The following DTD1 variants were observed in gnomAD, a reference collection of about 807,000 sequenced individuals.
DTD1 encodes the protein D-aminoacyl-tRNA deacylase 1.
In DTD1, 13 loss-of-function variants were observed where a neutral mutation model predicts 25.6. That is an observed-to-expected ratio of 0.51 (90% CI 0.33 to 0.81). The LOEUF is 0.81. Among genes scored for constraint, DTD1 ranks in the 30% least tolerant of loss-of-function variants. The probability of loss-of-function intolerance (pLI) is 0.02; values close to 1 mark genes in which losing one functional copy is unlikely to be tolerated. For missense variants in DTD1, 193 were observed against 266.4 expected (o/e 0.72, Z 1.92); for synonymous variants, 110 against 103.6 (o/e 1.06, Z -0.37).
intron 4 of DTD1, among the ~76,000 whole-genome samples, chr20:18,741,735 T>A (rs1440079906): frequency 1.2e-4 from 18 of 151,850 alleles, no homozygotes; most frequent in East Asian, 1.2e-3. Context: ...TTAAAAAAAA[T>A]TTTTTTTGAG....
intron 3 of DTD1, chr20:18,611,220 G>A (rs2060685516): frequency 6.6e-6 from 1 of 152,290 alleles, no homozygotes; most frequent in African/African-American, 2.4e-5. Flanking sequence ...ACTTCCAGAA[G>A]TCCTACAATT....
rs75548729 is a variant in DTD1, at chr20:18,634,254, C to T, written c.477+6021C>T. Among the ~76,000 whole-genome samples the T allele has an allele frequency of 5.0e-3, 764 of 152,266 alleles. 7 individuals are homozygous for T. Among genetic ancestry groups the T allele is most frequent in the African/African-American group, 0.018 (734 of 41,550 alleles). On this transcript the variant is annotated intron_variant, in intron 4 of 5. Coordinates refer to ENST00000377452, the MANE Select transcript of DTD1 (RefSeq NM_080820.6). ...TTTAATCTTAAGTGCTCTTTCTCTG[C>T]GTAGGGCTTGTTTTCCTGAGCCTCA...
chr20:18,700,837 A>T (rs1248605322), intron 4 of DTD1, among the ~76,000 whole-genome samples: 2 of 152,086 alleles, frequency 1.3e-5, no homozygotes, highest in African/African-American at 4.8e-5. Flanking sequence ...GGACCTTGGG[A>T]GGAAGGAAGG....
At chr20:18,625,974 C>T (rs946841928) in intron 3 of DTD1, among the ~76,000 whole-genome samples, 1 of 152,244 alleles carries the variant, frequency 6.6e-6, no homozygotes, top group African/African-American at 2.4e-5. Flanking sequence ...CGAATGTGGG[C>T]TTGCTCCCAG....
intron 5 of DTD1, among the ~76,000 whole-genome samples, chr20:18,755,489 A>G (rs886380256): frequency 6.6e-6 from 1 of 151,968 alleles, no homozygotes; most frequent in Non-Finnish European, 1.5e-5. Flanking sequence ...CTCATTGTTC[A>G]GTTCCCACCT....
chr20:18,695,223 G>A (rs1385506749), intron 4 of DTD1, among the ~76,000 whole-genome samples: 1 of 151,878 alleles, frequency 6.6e-6, no homozygotes, highest in Non-Finnish European at 1.5e-5. Flanking sequence ...GTAGCTGGCC[G>A]CAGAACCCAA....
intron 4 of DTD1, among the ~76,000 whole-genome samples, chr20:18,708,244 A>AC (rs370120832): frequency 7.2e-5 from 3 of 41,406 alleles, no homozygotes; most frequent in East Asian, 1.0e-3. Context: ...ATATATATAT[A>AC]ATATATATTA....
At chr20:18,687,131 G>GGA (rs2061020138) in intron 4 of DTD1, among the ~76,000 whole-genome samples, 1 of 152,176 alleles carries the variant, frequency 6.6e-6, no homozygotes, top group Non-Finnish European at 1.5e-5. Context: ...GCTTCCTAGT[G>GGA]GGCTGCATTT....
chr20:18,674,160 T>A (rs764087657), intron 4 of DTD1, among the ~76,000 whole-genome samples: 1 of 152,216 alleles, frequency 6.6e-6, no homozygotes, highest in African/African-American at 2.4e-5. Context: ...AGTGAAACAT[T>A]CTGAGCAATA....
intron 3 of DTD1, among the ~76,000 whole-genome samples, chr20:18,601,631 G>A (rs2060635712): frequency 6.6e-6 from 1 of 151,646 alleles, no homozygotes; most frequent in Non-Finnish European, 1.5e-5. Context: ...CCCCCGAGCA[G>A]CCTAACTGGG....
chr20:18,704,458 G>C (rs928648353), intron 4 of DTD1, among the ~76,000 whole-genome samples: 2 of 152,098 alleles, frequency 1.3e-5, no homozygotes, highest in Non-Finnish European at 2.9e-5. Flanking sequence ...TGTGTGCAAG[G>C]GGTGGGGAAA....
At chr20:18,588,600 C>T (rs918320271) in intron 1 of DTD1, 9 of 343,898 alleles carry the variant, frequency 2.6e-5, no homozygotes, top group African/African-American at 2.0e-4. Flanking sequence ...TGCACAGATG[C>T]GGAGAGTTGC....
chr20:18,673,204 G>A (rs1393052880), intron 4 of DTD1, among the ~76,000 whole-genome samples: 1 of 152,142 alleles, frequency 6.6e-6, no homozygotes, highest in Non-Finnish European at 1.5e-5. Context: ...GTATGTTCAA[G>A]TCCCAAGTTG....
In DTD1 at chr20:18,766,179, A is replaced by G. The variant is rs2061378310; in HGVS notation, c.*2839A>G. 1 of 152,280 alleles carries G rather than the reference A, an allele frequency of 6.6e-6. No homozygotes were observed. Among genetic ancestry groups the G allele is most frequent in the South Asian group, 2.1e-4 (1 of 4,824 alleles). 9.4% of individuals were successfully genotyped at this position (152,280 alleles called of 1,614,324 possible). ...CTGGCATATATATGGACAATTTGGCATTTCATTGATTTGATCATAAGGAAC... is the reference window on the plus strand; with the variant it reads ...CTGGCATATATATGGACAATTTGGCGTTTCATTGATTTGATCATAAGGAAC... On this transcript the variant is annotated 3_prime_UTR_variant, in exon 6 of 6. Coordinates refer to ENST00000377452, the MANE Select transcript of DTD1 (RefSeq NM_080820.6).
chr20:18,597,413 A>G (rs991380708), intron 3 of DTD1, among the ~76,000 whole-genome samples: 3 of 152,210 alleles, frequency 2.0e-5, no homozygotes, highest in Non-Finnish European at 4.4e-5. Context: ...TAAAGTGTAC[A>G]AGTCAATTTT....
At chr20:18,659,870 T>C (rs147244159) in intron 4 of DTD1, among the ~76,000 whole-genome samples, 130 of 152,184 alleles carry the variant, frequency 8.5e-4, no homozygotes, top group Middle Eastern at 3.4e-3. Context: ...TGTATACCTA[T>C]GTTAGCAAAC....
chr20:18,621,336 T>G (rs2060733086), intron 3 of DTD1, among the ~76,000 whole-genome samples: 1 of 152,352 alleles, frequency 6.6e-6, no homozygotes, highest in Non-Finnish European at 1.5e-5. Flanking sequence ...TCTCAGTGCA[T>G]CGTGTTGGGG....
chr20:18,750,649 A>T (rs1040029050), intron 5 of DTD1, among the ~76,000 whole-genome samples: 5 of 152,222 alleles, frequency 3.3e-5, no homozygotes, highest in African/African-American at 1.2e-4. Context: ...CCAAGTGGAC[A>T]TGAAACTGCT....
chr20:18,648,728 T>C (rs2060859806), intron 4 of DTD1, among the ~76,000 whole-genome samples: 1 of 152,088 alleles, frequency 6.6e-6, no homozygotes, highest in Non-Finnish European at 1.5e-5. Flanking sequence ...CCATTTATAT[T>C]GTGCAGTGCC....
Sources: gnomAD v4.1 joint callset for allele counts (sites outside exome capture counted in the v4.1 genomes callset) on GRCh38, gnomAD v4.1.1 for gene constraint, MANE v1.5 for transcripts, NCBI Gene and HGNC (gene_info 2026-07-23, HGNC 2026-07-21) for gene names.